The following ADGRV1 variants were observed in gnomAD, a reference collection of about 807,000 sequenced individuals.
ADGRV1 encodes the protein adhesion G protein-coupled receptor V1.
ADGRV1 carries 359 observed loss-of-function variants against 596.2 expected under a neutral mutation model. That is an observed-to-expected ratio of 0.60 (90% CI 0.55 to 0.66). ADGRV1 has a LOEUF of 0.66. ADGRV1 is among the 30% of genes least tolerant of loss of function. The pLI is 0.00. For synonymous variants in ADGRV1, 2,681 were observed against 2,679.2 expected, an observed-to-expected ratio of 1.00 and a Z score of -0.02; for missense variants, 7,274 against 7,575.6, an observed-to-expected ratio of 0.96 and a Z score of 1.48.
chr5:90,656,432 T>C (rs1769415246), intron 20 of ADGRV1, among the ~76,000 whole-genome samples: 1 of 152,200 alleles, frequency 6.6e-6, no homozygotes, highest in Non-Finnish European at 1.5e-5. Context: ...TGTGATCATT[T>C]CTATATCCTT....
chr5:90,668,227 T>G (rs1355044924), intron 21 of ADGRV1, among the ~76,000 whole-genome samples: 6 of 152,004 alleles, frequency 3.9e-5, no homozygotes, highest in Admixed American at 6.5e-5. Flanking sequence ...CGCCTTGCAG[T>G]TTGATCTCAG....
chr5:90,620,440 A>T (rs1195427115), intron 4 of ADGRV1, among the ~76,000 whole-genome samples: 1 of 151,924 alleles, frequency 6.6e-6, no homozygotes, highest in Non-Finnish European at 1.5e-5. Context: ...CCACTTTTTG[A>T]TGGAGTATTT....
chr5:91,144,032 T>G (rs910779818), intron 87 of ADGRV1, among the ~76,000 whole-genome samples: 1 of 152,100 alleles, frequency 6.6e-6, no homozygotes. Flanking sequence ...GAGCAGGCAC[T>G]GGGAGTGTGG....
chr5:91,059,966 A>ATCTAAACC (rs768926387), intron 85 of ADGRV1, among the ~76,000 whole-genome samples: 61 of 152,308 alleles, frequency 4.0e-4, no homozygotes, highest in Non-Finnish European at 7.5e-4. Context: ...ATATCTTAGT[A>ATCTAAACC]CATTTTTATG....
intron 83 of ADGRV1, among the ~76,000 whole-genome samples, chr5:90,895,275 T>C (rs1013690301): frequency 5.3e-5 from 8 of 152,090 alleles, no homozygotes; most frequent in Admixed American, 1.3e-4. Context: ...ACCTTGGCAT[T>C]TGAGACAGAA....
At chr5:90,732,510 T>C (rs747281462) in intron 50 of ADGRV1, among the ~76,000 whole-genome samples, 28 of 152,214 alleles carry the variant, frequency 1.8e-4, no homozygotes, top group Admixed American at 5.2e-4. Flanking sequence ...AAGTATACAG[T>C]ACATTATTGT....
At chr5:90,976,164 A>T (rs1319616948) in intron 84 of ADGRV1, among the ~76,000 whole-genome samples, 1 of 150,416 alleles carries the variant, frequency 6.6e-6, no homozygotes, top group Non-Finnish European at 1.5e-5. Context: ...ATGCATAGAC[A>T]AATATTTATA....
At position 90,971,066 on chromosome 5, in the gene ADGRV1, C is replaced by T. The variant is rs372215381; in HGVS notation, c.17973+5535C>T. The stretch of plus-strand genomic sequence containing the variant: ...AGAACTACGTGATGAATGCACAAGC[C>T]TCCGTAGCCGATTTGATCAACTGGA... On this transcript the variant is annotated intron_variant, in intron 84 of 89. Coordinates refer to ENST00000405460, the MANE Select transcript of ADGRV1 (RefSeq NM_032119.4). Among the ~76,000 whole-genome samples the T allele has an allele frequency of 9.2e-5, 14 of 152,264 alleles. No homozygotes were observed. The East Asian group carries it at 2.3e-3, about 25-fold the overall frequency.
At position 90,720,919 on chromosome 5, in the gene ADGRV1, C is replaced by T; in HGVS notation, c.9624-16C>T. ...TATACTTTTTCTGCTTCCCTCAATC[C>T]ATGTATTTCTTTCAGAGCCACCTCC... On this transcript the variant is annotated splice_polypyrimidine_tract_variant and intron_variant, in intron 44 of 89. Transcript: ENST00000405460. 1 of 1,592,584 alleles carries T rather than the reference C, an allele frequency of 6.3e-7. No homozygotes were observed. The highest frequency in any genetic ancestry group is 1.7e-5 in the Admixed American group (1 of 58,328).
chr5:90,721,459 G>A (rs973487318), intron 45 of ADGRV1, among the ~76,000 whole-genome samples: 1 of 150,332 alleles, frequency 6.7e-6, no homozygotes, highest in African/African-American at 2.5e-5. Context: ...AGCCGAGATC[G>A]TGCCACTGCA....
Position 90,755,837 on chromosome 5 carries a change from T to TTA in ADGRV1, c.11581-613_11581-612dup, listed in dbSNP as rs1755774791. ...TATATATTATATACCATAGAATATA[T>TTA]TATATGTTATTAAATAAATATGATA... On this transcript the variant is annotated intron_variant, in intron 55 of 89. Transcript: ENST00000405460. Among the ~76,000 whole-genome samples, 3 of 148,340 alleles carry TTA rather than the reference T, an allele frequency of 2.0e-5. No homozygotes were observed. The South Asian group carries it at 6.3e-4, about 31-fold the overall frequency.
At chr5:90,828,545 A>C (rs988477199) in intron 76 of ADGRV1, among the ~76,000 whole-genome samples, 39 of 152,140 alleles carry the variant, frequency 2.6e-4, no homozygotes, top group African/African-American at 9.2e-4. Flanking sequence ...ATCATTATAC[A>C]GCTTGATATT....
At chr5:90,987,469 CAAAA>C (rs11442398) in intron 85 of ADGRV1, among the ~76,000 whole-genome samples, 1 of 94,970 alleles carries the variant, frequency 1.1e-5, no homozygotes, top group Non-Finnish European at 2.2e-5. Flanking sequence ...GACTCTGACT[CAAAA>C]AAAAAAAAAA....
In ADGRV1 at chr5:91,126,871, G is replaced by C. The variant is rs551236451; in HGVS notation, c.18433-23159G>C. On this transcript the variant is annotated intron_variant, in intron 87 of 89. Transcript: ENST00000405460. The stretch of plus-strand genomic sequence containing the variant: ...AGCAGATATGCCTGGTGTTTGAATG[G>C]ATGTGCCTCTCTCGGAGGCAGCAAG... Among the ~76,000 whole-genome samples the C allele has an allele frequency of 5.9e-5, 9 of 152,236 alleles. No homozygotes were observed. In the South Asian group the frequency reaches 1.9e-3, roughly 32 times the overall value.
At position 90,840,858 on chromosome 5, in the gene ADGRV1, T is replaced by C; in HGVS notation, c.16892T>C (p.Leu5631Pro). Residue 5631 changes from leucine to proline, a missense_variant, in exon 78 of 90, where the codon CTT becomes CCT. Physicochemically the swap from Leu to Pro is moderately conservative, Grantham distance 98. Coordinates refer to ENST00000405460, the MANE Select transcript of ADGRV1 (RefSeq NM_032119.4). The stretch of plus-strand genomic sequence containing the variant: ...GCAGATTCGCAGGCCATTTGGGGGC[T>C]TGCAGATCAGCTACATCAGCCTGTG... ...SDADSQAIWG[L>P]ADQLHQPVND... is the part of the protein sequence containing the mutation. The C allele has an allele frequency of 1.2e-6, 2 of 1,612,286 alleles. No homozygotes were observed. Among genetic ancestry groups the C allele is most frequent in the Non-Finnish European group, 1.7e-6 (2 of 1,178,598 alleles).
chr5:90,948,706 CACTT>C (rs1776809923), intron 83 of ADGRV1, among the ~76,000 whole-genome samples: 1 of 152,074 alleles, frequency 6.6e-6, no homozygotes, highest in Non-Finnish European at 1.5e-5. Flanking sequence ...CAAGCTCTGA[CACTT>C]ACATTAGCCT....
intron 84 of ADGRV1, among the ~76,000 whole-genome samples, chr5:90,975,913 A>G (rs1269295315): frequency 6.6e-6 from 1 of 152,064 alleles, no homozygotes; most frequent in African/African-American, 2.4e-5. Flanking sequence ...GACAGTAAGA[A>G]TTTAAAATCT....
chr5:90,659,873 A>T (rs567008831), intron 21 of ADGRV1, among the ~76,000 whole-genome samples: 7 of 152,168 alleles, frequency 4.6e-5, no homozygotes, highest in African/African-American at 1.7e-4. Flanking sequence ...TCTACTAAAA[A>T]TACAAAAAAT....
intron 85 of ADGRV1, among the ~76,000 whole-genome samples, chr5:91,027,003 G>A (rs1230401019): frequency 1.3e-5 from 2 of 151,972 alleles, no homozygotes; most frequent in Non-Finnish European, 1.5e-5. Context: ...TTAGCCAGGT[G>A]TGGTGGTGCA....
Sources: gnomAD v4.1 joint callset for allele counts (sites outside exome capture counted in the v4.1 genomes callset) on GRCh38, gnomAD v4.1.1 for gene constraint, MANE v1.5 for transcripts, NCBI Gene and HGNC (gene_info 2026-07-23, HGNC 2026-07-21) for gene names.